HMGA2: variants seen among roughly 807,000 people sequenced by gnomAD.
The protein encoded by HMGA2 is high mobility group AT-hook 2, also known as high mobility group protein HMGI-C.
Under a neutral mutation model 19.1 loss-of-function variants are expected in HMGA2, and 8 were observed. That is an observed-to-expected ratio of 0.42 (90% confidence interval 0.25 to 0.76). The LOEUF (loss-of-function observed/expected upper bound fraction) is 0.76, where lower values mean the gene tolerates loss of function less well. Ranked by LOEUF, HMGA2 falls within the 30% of genes least tolerant of loss-of-function variation. HMGA2 has a pLI of 0.28. For synonymous variants in HMGA2, 60 were observed against 48.8 expected (o/e 1.23, Z -0.96); for missense variants, 109 against 136.3 (o/e 0.80, Z 1.00).
rs1876901246 is a variant in HMGA2, at chr12:65,966,081, G to A, written c.*2789G>A. The stretch of plus-strand genomic sequence containing the variant: ...GTTGACTTTCTCCCTGTTCCTTTGA[G>A]TGTCTTCTAACTTTATTCTTTGTTC... On this transcript the variant is annotated 3_prime_UTR_variant, in exon 5 of 5. Transcript: ENST00000403681. The A allele has an allele frequency of 4.6e-6, 1 of 217,034 alleles. No individual in the cohort carries two copies. The highest frequency in any genetic ancestry group is 5.8e-5 in the Admixed American group (1 of 17,178). 13.4% of individuals were successfully genotyped at this position (217,034 alleles called of 1,614,324 possible).
At chr12:65,926,566 G>C (rs1875512361) in intron 3 of HMGA2, among the ~76,000 whole-genome samples, 1 of 152,206 alleles carries the variant, frequency 6.6e-6, no homozygotes, top group African/African-American at 2.4e-5. Flanking sequence ...TTTGCATCCT[G>C]CAAGTGTATT....
intron 3 of HMGA2, among the ~76,000 whole-genome samples, chr12:65,891,264 G>T (rs978124034): frequency 1.3e-5 from 2 of 152,124 alleles, no homozygotes; most frequent in Non-Finnish European, 2.9e-5. Flanking sequence ...CTGTTTCTTA[G>T]GGGCCAGACA....
At chr12:65,879,153 T>C (rs146625291) in intron 3 of HMGA2, among the ~76,000 whole-genome samples, 1 of 152,204 alleles carries the variant, frequency 6.6e-6, no homozygotes, top group African/African-American at 2.4e-5. Context: ...TTTGAGACAG[T>C]GTCTAGCTCT....
chr12:65,916,876 G>A (rs1187416327), intron 3 of HMGA2, among the ~76,000 whole-genome samples: 2 of 152,186 alleles, frequency 1.3e-5, no homozygotes, highest in Non-Finnish European at 2.9e-5. Context: ...TTGGCAGCTG[G>A]GGCAGCGGCA....
intron 3 of HMGA2, among the ~76,000 whole-genome samples, chr12:65,855,439 T>TTC (rs796480425): frequency 6.0e-4 from 70 of 116,886 alleles, no homozygotes; most frequent in South Asian, 1.2e-3. Flanking sequence ...CTCTTTCTCT[T>TTC]TCTCTCTCTC....
At chr12:65,912,736 C>T (rs1015916425) in intron 3 of HMGA2, among the ~76,000 whole-genome samples, 12 of 152,142 alleles carry the variant, frequency 7.9e-5, no homozygotes, top group African/African-American at 2.4e-4. Context: ...CTGGATTTAA[C>T]GTCATGCCAT....
chr12:65,906,352 C>A (rs553449523), intron 3 of HMGA2, among the ~76,000 whole-genome samples: 1 of 152,086 alleles, frequency 6.6e-6, no homozygotes, highest in Non-Finnish European at 1.5e-5. Flanking sequence ...ATGATAGCAT[C>A]TTATGGGCAT....
intron 3 of HMGA2, among the ~76,000 whole-genome samples, chr12:65,872,286 CT>C (rs1429420282): frequency 6.6e-6 from 1 of 152,176 alleles, no homozygotes; most frequent in African/African-American, 2.4e-5. Context: ...TCACACTTGC[CT>C]TCCTTGGATG....
intron 1 of HMGA2, 64 bp from the exon 2 acceptor site, chr12:65,827,937 A>G (rs1340822512): frequency 1.8e-6 from 2 of 1,122,314 alleles, no homozygotes; most frequent in Admixed American, 3.4e-5. Flanking sequence ...ATAGCTAAAG[A>G]GTCAGGGTCA....
chr12:65,848,884 A>G (rs1565706832), intron 3 of HMGA2, among the ~76,000 whole-genome samples: 1 of 152,186 alleles, frequency 6.6e-6, no homozygotes, highest in Non-Finnish European at 1.5e-5. Flanking sequence ...AAGTTTAAGC[A>G]TTACCAATAA....
At chr12:65,860,083 CT>C in intron 3 of HMGA2, 2 of 445,162 alleles carry the variant, frequency 4.5e-6, no homozygotes, top group Non-Finnish European at 4.5e-6. Context: ...CAGAGCAAGA[CT>C]CTGTCTGAAA....
At chr12:65,934,343 A>C (rs1342880770) in intron 3 of HMGA2, among the ~76,000 whole-genome samples, 2 of 152,176 alleles carry the variant, frequency 1.3e-5, no homozygotes, top group Non-Finnish European at 2.9e-5. Flanking sequence ...TTGTGTAGCA[A>C]TGACCATATT....
chr12:65,919,601 A>G (rs945968121), intron 3 of HMGA2, among the ~76,000 whole-genome samples: 1 of 152,240 alleles, frequency 6.6e-6, no homozygotes, highest in Non-Finnish European at 1.5e-5. Context: ...TAAATCTGCC[A>G]TTTTCTCACT....
At chr12:65,953,503 A>G (rs1209142923) in intron 4 of HMGA2, 5 of 152,222 alleles carry the variant, frequency 3.3e-5, no homozygotes, top group Admixed American at 6.5e-5. Context: ...CAAATACATC[A>G]TAGGTGGAGA....
chr12:65,904,514 C>T (rs929491926), intron 3 of HMGA2, among the ~76,000 whole-genome samples: 4 of 152,142 alleles, frequency 2.6e-5, no homozygotes, highest in African/African-American at 7.2e-5. Context: ...TGCAACTTTA[C>T]AACTAAAGAA....
intron 3 of HMGA2, among the ~76,000 whole-genome samples, chr12:65,887,371 T>A (rs1873701521): frequency 6.6e-6 from 1 of 152,182 alleles, no homozygotes; most frequent in Non-Finnish European, 1.5e-5. Flanking sequence ...GTCGATCACC[T>A]GAGGTCAGGA....
intron 3 of HMGA2, among the ~76,000 whole-genome samples, chr12:65,918,251 A>T (rs1320577306): frequency 6.6e-6 from 1 of 152,192 alleles, no homozygotes; most frequent in Non-Finnish European, 1.5e-5. Context: ...CATTTTCGTA[A>T]GAGTACCTGT....
At chr12:65,869,057 G>T (rs1053783613) in intron 3 of HMGA2, among the ~76,000 whole-genome samples, 5 of 152,130 alleles carry the variant, frequency 3.3e-5, no homozygotes, top group African/African-American at 9.7e-5. Context: ...GGTCAATGAG[G>T]CAGAAACCCC....
At chr12:65,875,111 A>G (rs1678254463) in intron 3 of HMGA2, among the ~76,000 whole-genome samples, 1 of 109,520 alleles carries the variant, frequency 9.1e-6, no homozygotes, top group Admixed American at 8.4e-5. Flanking sequence ...GCTTATATTT[A>G]TTAGAGTTAA....
Sources: allele counts gnomAD v4.1 joint callset (sites outside exome capture counted in the v4.1 genomes callset), GRCh38; gene constraint gnomAD v4.1.1; transcripts MANE v1.5; gene names NCBI Gene and HGNC (gene_info 2026-07-23, HGNC 2026-07-21).